The following ELAVL1 variants were observed in gnomAD, a reference collection of about 807,000 sequenced individuals.
ELAVL1 encodes ELAV-like protein 1.
Under a neutral mutation model 28.4 loss-of-function variants are expected in ELAVL1, and 1 was observed. The ratio of observed to expected loss-of-function variants is 0.04; its 90% CI spans 0.01 to 0.17. The LOEUF (loss-of-function observed/expected upper bound fraction) is 0.17. Ranked by LOEUF, ELAVL1 falls within the 10% of genes least tolerant of loss-of-function variation. ELAVL1 has a pLI of 1.00. For synonymous variants in ELAVL1, 174 were observed against 183.5 expected, an observed-to-expected ratio of 0.95 and a Z score of 0.42; for missense variants, 157 against 447.2, an observed-to-expected ratio of 0.35 and a Z score of 5.85.
At chr19:8,002,856 ACTG>A (rs943053483) in intron 1 of ELAVL1, among the ~76,000 whole-genome samples, 36 of 152,126 alleles carry the variant, frequency 2.4e-4, no homozygotes, top group Admixed American at 5.9e-4. Flanking sequence ...GTGTGAAGGA[ACTG>A]GCACTCCAAA....
At chr19:8,000,355 G>A (rs917256228) in intron 1 of ELAVL1, among the ~76,000 whole-genome samples, 1 of 152,176 alleles carries the variant, frequency 6.6e-6, no homozygotes, top group Non-Finnish European at 1.5e-5. Context: ...GCATATCCAG[G>A]GGAGAGAGAT....
At chr19:7,988,368 G>A (rs1438400162) in intron 2 of ELAVL1, among the ~76,000 whole-genome samples, 3 of 152,194 alleles carry the variant, frequency 2.0e-5, no homozygotes, top group Non-Finnish European at 4.4e-5. Flanking sequence ...TCTGCCCACC[G>A]TGAGTGTCAG....
intron 2 of ELAVL1, among the ~76,000 whole-genome samples, chr19:7,984,577 C>T (rs1377254787): frequency 6.6e-6 from 1 of 152,178 alleles, no homozygotes; most frequent in African/African-American, 2.4e-5. Context: ...AGGCTATGTG[C>T]ACAGGCCAGG....
intron 4 of ELAVL1, among the ~76,000 whole-genome samples, chr19:7,969,351 C>A (rs1985040353): frequency 6.6e-6 from 1 of 152,226 alleles, no homozygotes; most frequent in South Asian, 2.1e-4. Flanking sequence ...CAACTGTCCC[C>A]ATGTCCTGTC....
At position 7,965,516 on chromosome 19, in the gene ELAVL1, G is replaced by A. The variant is rs551813738; in HGVS notation, c.657-1709C>T. The stretch of plus-strand genomic sequence containing the variant: ...GGCTTTTCTGGACGTGATAGGGACT[G>A]ACTGCAAACTCACTGCAGTCTGGGT... On this transcript the variant is annotated intron_variant, in intron 5 of 5. Transcript: ENST00000407627. 3.4e-3 allele frequency among the ~76,000 whole-genome samples: 521 copies of A among 152,172 alleles called. 1 individual carries two copies. The highest frequency in any genetic ancestry group is 5.5e-3 in the Non-Finnish European group (376 of 67,982).
At chr19:7,973,602 G>A (rs776982949) in intron 4 of ELAVL1, 123 bp downstream of exon 4, 61 of 1,231,372 alleles carry the variant, frequency 5.0e-5, no homozygotes, top group Non-Finnish European at 6.3e-5. Context: ...TCTCATTTTG[G>A]TGCTGTCCTC....
intron 1 of ELAVL1, among the ~76,000 whole-genome samples, chr19:8,000,223 C>T (rs866524469): frequency 2.6e-5 from 4 of 152,324 alleles, no homozygotes; most frequent in South Asian, 4.1e-4. Context: ...CGGTGCCTGG[C>T]CTCTGGGAGA....
chr19:7,973,637 T>G, intron 4 of ELAVL1, 88 bp downstream of exon 4: 1 of 1,493,158 alleles, frequency 6.7e-7, no homozygotes, highest in Non-Finnish European at 9.1e-7. Flanking sequence ...TAATGACATT[T>G]AAAATCAAAC....
chr19:8,002,639 A>G (rs1486844634), intron 1 of ELAVL1, among the ~76,000 whole-genome samples: 1 of 152,238 alleles, frequency 6.6e-6, no homozygotes, highest in Non-Finnish European at 1.5e-5. Flanking sequence ...TGGGATGGGA[A>G]CACTAAGGAG....
In ELAVL1 at chr19:7,968,541, G is replaced by A. The variant is rs117659208; in HGVS notation, c.431-751C>T. On this transcript the variant is annotated intron_variant, in intron 4 of 5. Coordinates refer to ENST00000407627, the MANE Select transcript of ELAVL1 (RefSeq NM_001419.3). ...ACCTATCCACAGGCTCGCCAGGCAG[G>A]CCTGGGGTCCCTGTATGGGAAGGGC... Among the ~76,000 whole-genome samples, 43 of 152,346 alleles carry A rather than the reference G, an allele frequency of 2.8e-4. No individual in the cohort carries two copies. The East Asian group carries it at 7.3e-3, about 26-fold the overall frequency.
chr19:7,968,894 G>A (rs1169640501), intron 4 of ELAVL1, among the ~76,000 whole-genome samples: 1 of 152,210 alleles, frequency 6.6e-6, no homozygotes, highest in Non-Finnish European at 1.5e-5. Flanking sequence ...GGCACACTGA[G>A]CAGCGCACTA....
intron 1 of ELAVL1, chr19:8,002,195 T>G (rs1412697231): frequency 9.2e-6 from 11 of 1,197,136 alleles, no homozygotes; most frequent in Admixed American, 4.6e-5. Context: ...TGTTCCCACC[T>G]CCGGGCTTGG....
chr19:7,963,576 T>C lies in ELAVL1; in HGVS notation c.888A>G (p.Glu296=), dbSNP rs777651478. 10 of 1,614,288 alleles carry C rather than the reference T, an allele frequency of 6.2e-6. No individual in the cohort carries two copies. Among genetic ancestry groups the C allele is most frequent in the Middle Eastern group, 1.6e-4 (1 of 6,062 alleles). Residue 296 remains glutamate (E), a synonymous_variant, in exon 6 of 6, where the codon GAA becomes GAG. Transcript: ENST00000407627. This position sits in a 1 kb window ranked among gnomAD's most constrained non-coding sequence, Gnocchi z 4.5. The part of the protein sequence containing the change: ...GFGFVTMTNY[E]EAAMAIASLN... ...GGCTGGCTATGGCCATCGCGGCTTC[T>C]TCATAGTTTGTCATGGTCACAAAGC...
chr19:7,973,996 C>T (rs1043111206), intron 3 of ELAVL1, 118 bp from the exon 4 acceptor site: 11 of 1,302,550 alleles, frequency 8.4e-6, no homozygotes, highest in South Asian at 1.4e-5. Flanking sequence ...ATGCAGGGAA[C>T]GATTATCATC....
rs1484941506 is a variant in ELAVL1, at chr19:7,963,924, C to T, written c.657-117G>A. Reference sequence around the variant, plus strand: ...GGCCCCATCCCGCTCTGCGCAGCCACGAGGTGCTCACGGTTGAGACACCTG... The same window carrying T: ...GGCCCCATCCCGCTCTGCGCAGCCATGAGGTGCTCACGGTTGAGACACCTG... On this transcript the variant is annotated intron_variant, in intron 5 of 5. Coordinates refer to ENST00000407627, the MANE Select transcript of ELAVL1 (RefSeq NM_001419.3). The surrounding 1 kb of genome is among the most constrained non-coding windows in gnomAD (Gnocchi z 4.5). 24 of 1,188,710 alleles carry T rather than the reference C, an allele frequency of 2.0e-5. No homozygotes were observed. The highest frequency in any genetic ancestry group is 2.7e-5 in the Admixed American group (1 of 36,832). 73.6% of individuals were successfully genotyped at this position (1,188,710 alleles called of 1,614,324 possible). A position where few individuals can be genotyped will look rare whatever the true frequency, so the allele number is the denominator to read the frequency against.
At chr19:7,988,691 TCACTACTGGGACCAC>T (rs1985669466) in intron 2 of ELAVL1, among the ~76,000 whole-genome samples, 1 of 152,248 alleles carries the variant, frequency 6.6e-6, no homozygotes, top group Admixed American at 6.5e-5. Context: ...CACTGGGATG[TCACTACTGGGACCAC>T]GTGGGTGGAG....
rs1265134136 is a variant in ELAVL1 at position 7,960,942 on chromosome 19, C to T, written c.*2541G>A. 6.6e-6 allele frequency: 1 copy of T among 152,164 alleles called. No individual in the cohort carries two copies. The highest frequency in any genetic ancestry group is 1.5e-5 in the Non-Finnish European group (1 of 68,028). The allele number at this position is 152,164 out of a possible 1,614,324, so 9.4% of individuals were successfully genotyped here. ...AACAGAGATTGCTTTTCAGGAGTGA[C>T]AGTTGTTAAGCTAAATCCTTCCACA... On this transcript the variant is annotated 3_prime_UTR_variant, in exon 6 of 6. Transcript: ENST00000407627.
intron 2 of ELAVL1, among the ~76,000 whole-genome samples, chr19:7,985,045 A>C (rs1455719463): frequency 1.3e-5 from 2 of 151,974 alleles, no homozygotes; most frequent in Non-Finnish European, 2.9e-5. Flanking sequence ...TCAGCCCCCC[A>C]AGTAGCTGGG....
At chr19:7,998,205 TGG>T (rs2145228576) in intron 1 of ELAVL1, among the ~76,000 whole-genome samples, 1 of 152,272 alleles carries the variant, frequency 6.6e-6, no homozygotes, top group East Asian at 1.9e-4. Context: ...TCATCAATCC[TGG>T]GCCAAATCAG....
Sources: allele counts gnomAD v4.1 joint callset (sites outside exome capture counted in the v4.1 genomes callset), GRCh38; gene constraint gnomAD v4.1.1; non-coding constraint Gnocchi (gnomAD v3.1); transcripts MANE v1.5; gene names NCBI Gene and HGNC (gene_info 2026-07-23, HGNC 2026-07-21).